The following COL6A6 variants were observed in gnomAD, a reference collection of about 807,000 sequenced individuals.
COL6A6 encodes collagen type VI alpha 6 chain, also known as collagen alpha-6(VI) chain.
Under a neutral mutation model 208.6 loss-of-function variants are expected in COL6A6, and 183 were observed. The observed-to-expected ratio is 0.88, with a 90% confidence interval of 0.78 to 0.99. The LOEUF is 0.99. Ranked by LOEUF, COL6A6 falls within the 50% of genes least tolerant of loss-of-function variation. COL6A6 has a pLI of 0.00. For synonymous variants in COL6A6, 973 were observed against 1,011.8 expected (o/e 0.96, Z 0.73); for missense variants, 2,816 against 2,815.2 (o/e 1.00, Z -0.01).
intron 33 of COL6A6, among the ~76,000 whole-genome samples, chr3:130,651,425 C>CAAAAAA (rs35957602): frequency 2.5e-4 from 15 of 60,984 alleles, no homozygotes; most frequent in South Asian, 6.3e-4. Flanking sequence ...GACTCCATCT[C>CAAAAAA]AAAAAAAAAA....
At chr3:130,605,522 T>C (rs564175283) in intron 20 of COL6A6, among the ~76,000 whole-genome samples, 1 of 152,242 alleles carries the variant, frequency 6.6e-6, no homozygotes, top group East Asian at 1.9e-4. Flanking sequence ...AGAAGTGAAT[T>C]GAATCAGAAC....
chr3:130,658,176 T>A (rs1228557740), intron 33 of COL6A6, among the ~76,000 whole-genome samples: 1 of 152,234 alleles, frequency 6.6e-6, no homozygotes, highest in Non-Finnish European at 1.5e-5. Flanking sequence ...TACATGGGTC[T>A]CTGAGACTTA....
Position 130,641,645 on chromosome 3 carries a change from C to G in COL6A6, c.5092-7C>G. ...AAATACAATTTTAAAATAAATTCTCCTTTGAGATATCTGCTGGGCTTCCAG... is the reference window on the plus strand; with the variant it reads ...AAATACAATTTTAAAATAAATTCTCGTTTGAGATATCTGCTGGGCTTCCAG... On this transcript the variant is annotated splice_polypyrimidine_tract_variant and splice_region_variant and intron_variant, in intron 28 of 36. Coordinates refer to ENST00000358511, the MANE Select transcript of COL6A6 (RefSeq NM_001102608.3). 1 of 1,539,180 alleles carries G rather than the reference C, an allele frequency of 6.5e-7. No homozygotes were observed. Among genetic ancestry groups the G allele is most frequent in the Non-Finnish European group, 8.9e-7 (1 of 1,118,446 alleles).
rs1478320930 is a variant in COL6A6, at chr3:130,517,204, A to G, written c.-225A>G. Among the ~76,000 whole-genome samples, 2 of 152,152 alleles carry G rather than the reference A, an allele frequency of 1.3e-5. No individual in the cohort carries two copies. Among genetic ancestry groups the G allele is most frequent in the South Asian group, 2.1e-4 (1 of 4,818 alleles). On this transcript the variant is annotated 5_prime_UTR_variant, in exon 1 of 37. Transcript: ENST00000358511. ...CACCCGCTTGCCTGCGGGACACCGG[A>G]GTCAAGAGGCTGCCCACGCCGCTGC...
chr3:130,540,059 A>G (rs1351646647), intron 1 of COL6A6, among the ~76,000 whole-genome samples: 1 of 152,228 alleles, frequency 6.6e-6, no homozygotes, highest in East Asian at 1.9e-4. Flanking sequence ...CCTCTACCAC[A>G]TGAAAACTGG....
Position 130,568,312 on chromosome 3 carries a change from T to G in COL6A6, c.2109T>G (p.Ser703Arg), listed in dbSNP as rs1287916147. 2 of 1,614,012 alleles carry G rather than the reference T, an allele frequency of 1.2e-6. No homozygotes were observed. Among genetic ancestry groups the G allele is most frequent in the Admixed American group, 3.3e-5 (2 of 60,024 alleles). ...AHIGQTTLTGSALSFVSQYFS... is the reference protein window; with the variant it reads ...AHIGQTTLTGRALSFVSQYFS... ...TTGGACAAACCACCCTGACTGGTAG[T>G]GCCCTGAGCTTTGTGTCTCAGTACT... The change falls in exon 6 of 37, where the codon AGT (serine) becomes AGG (arginine). Residue 703 changes from serine (S) to arginine (R), a missense_variant. Physicochemically the swap from Ser to Arg is moderately radical, Grantham distance 110. Transcript: ENST00000358511.
At chr3:130,566,588 C>G in intron 4 of COL6A6, 114 bp from the exon 5 acceptor site, 1 of 802,708 alleles carries the variant, frequency 1.2e-6, no homozygotes, top group Non-Finnish European at 1.9e-6. Context: ...AGCCTAGAAG[C>G]TGTTTCCCAT....
At chr3:130,603,944 C>G (rs981463659) in intron 20 of COL6A6, among the ~76,000 whole-genome samples, 1 of 152,040 alleles carries the variant, frequency 6.6e-6, no homozygotes, top group Non-Finnish European at 1.5e-5. Context: ...CTTCTCAGGT[C>G]GCTTTGGGGA....
chr3:130,597,166 TC>T (rs1242393006), intron 18 of COL6A6, among the ~76,000 whole-genome samples: 1 of 152,188 alleles, frequency 6.6e-6, no homozygotes, highest in South Asian at 2.1e-4. Context: ...TCCTTTTCCT[TC>T]CCTGCTTTTT....
intron 1 of COL6A6, among the ~76,000 whole-genome samples, chr3:130,546,995 G>A (rs2062522085): frequency 6.6e-6 from 1 of 152,250 alleles, no homozygotes; most frequent in African/African-American, 2.4e-5. Context: ...GAGCCCAGCT[G>A]GCTTCCCCTA....
intron 1 of COL6A6, among the ~76,000 whole-genome samples, chr3:130,539,468 T>C (rs1385122074): frequency 6.6e-6 from 1 of 152,124 alleles, no homozygotes; most frequent in Non-Finnish European, 1.5e-5. Flanking sequence ...ACCCCGTCTC[T>C]ACTAAAAATA....
intron 1 of COL6A6, among the ~76,000 whole-genome samples, chr3:130,539,833 G>A (rs4571213): frequency 2.0e-4 from 31 of 152,090 alleles, no homozygotes; most frequent in African/African-American, 5.5e-4. Flanking sequence ...CATACCTGCT[G>A]TCAGCATTTA....
At chr3:130,540,180 A>C (rs910870830) in intron 1 of COL6A6, among the ~76,000 whole-genome samples, 4 of 152,208 alleles carry the variant, frequency 2.6e-5, no homozygotes, top group Non-Finnish European at 5.9e-5. Flanking sequence ...CTTTTTAAAA[A>C]TAGACGACTT....
chr3:130,669,081 A>G (rs975220813), intron 36 of COL6A6, among the ~76,000 whole-genome samples: 7 of 152,228 alleles, frequency 4.6e-5, no homozygotes, highest in African/African-American at 1.7e-4. Context: ...TCTGACCACA[A>G]TGCAATTAAG....
At chr3:130,583,595 A>C (rs537867465) in intron 10 of COL6A6, among the ~76,000 whole-genome samples, 1 of 152,348 alleles carries the variant, frequency 6.6e-6, no homozygotes, top group East Asian at 1.9e-4. Flanking sequence ...TCAGATATTT[A>C]GATTCTTCCA....
rs1262769544 is a variant in COL6A6 at position 130,581,761 on chromosome 3, T to C, written c.3748T>C (p.Tyr1250His). The change falls in exon 9 of 37, where the codon TAT (tyrosine) becomes CAT (histidine). Residue 1250 changes from tyrosine to histidine, a missense_variant. Tyr to His is a moderately conservative substitution (Grantham distance 83). Transcript: ENST00000358511. The stretch of plus-strand genomic sequence containing the variant: ...TCAAGTGACCAATGCCATGGAAAAA[T>C]ATTCTCCCAAGTTTGAGATCTACAG... ...AFQVTNAMEK[Y>H]SPKFEIYSEN... 1.2e-6 allele frequency: 2 copies of C among 1,613,476 alleles called. No individual in the cohort carries two copies. The highest frequency in any genetic ancestry group is 1.7e-6 in the Non-Finnish European group (2 of 1,179,726).
intron 23 of COL6A6, 32 bp from the exon 24 acceptor site, chr3:130,621,789 G>A: frequency 2.5e-6 from 4 of 1,597,290 alleles, no homozygotes; most frequent in Non-Finnish European, 3.4e-6. Context: ...TTTATGTTTT[G>A]CTATATTTGC....
intron 28 of COL6A6, among the ~76,000 whole-genome samples, chr3:130,640,510 C>T (rs114218326): frequency 0.013 from 1,926 of 152,292 alleles, 39 homozygotes; most frequent in African/African-American, 0.041. Context: ...CTCAACCAAG[C>T]ACACTGTCAA....
intron 36 of COL6A6, among the ~76,000 whole-genome samples, chr3:130,666,204 C>T (rs779214458): frequency 2.6e-5 from 4 of 151,880 alleles, no homozygotes; most frequent in South Asian, 4.2e-4. Flanking sequence ...AATCTTAATT[C>T]GATCCAAGAT....
Sources: gnomAD v4.1 joint callset for allele counts (sites outside exome capture counted in the v4.1 genomes callset) on GRCh38, gnomAD v4.1.1 for gene constraint, MANE v1.5 for transcripts, NCBI Gene and HGNC (gene_info 2026-07-23, HGNC 2026-07-21) for gene names.